The following ZSCAN25 variants were observed in gnomAD, a reference collection of about 807,000 sequenced individuals.
ZSCAN25 encodes the protein zinc finger and SCAN domain-containing protein 25.
A neutral mutation model predicts 38.7 loss-of-function variants in ZSCAN25; 27 were observed. That is an observed-to-expected ratio of 0.70 (90% CI 0.51 to 0.96). The LOEUF is 0.96. Ranked by LOEUF, ZSCAN25 falls within the 40% of genes least tolerant of loss-of-function variation. The pLI, the probability that ZSCAN25 is intolerant of heterozygous loss-of-function variation, is 0.00. For missense variants in ZSCAN25, 637 were observed against 705.9 expected (o/e 0.90, Z 1.11); for synonymous variants, 273 against 277.7 (o/e 0.98, Z 0.17).
At chr7:99,722,054 G>A in the ZSCAN25 span, among the ~76,000 whole-genome samples, 1 of 152,154 alleles carries the variant, frequency 6.6e-6, no homozygotes, top group South Asian at 2.1e-4. Flanking sequence ...TATTTTCTGT[G>A]GAACATCTTT....
the ZSCAN25 span, among the ~76,000 whole-genome samples, chr7:99,646,761 C>T: frequency 1.3e-5 from 2 of 150,614 alleles, no homozygotes; most frequent in African/African-American, 4.9e-5. Flanking sequence ...TCATTGTTAT[C>T]TAGCCCTATC....
At chr7:99,664,093 G>A in the ZSCAN25 span, 4 of 1,573,436 alleles carry the variant, frequency 2.5e-6, no homozygotes, top group Non-Finnish European at 3.4e-6. Context: ...AATGGAAAGA[G>A]TACTGTGGGA....
At chr7:99,657,792 G>C in the ZSCAN25 span, among the ~76,000 whole-genome samples, 2 of 152,156 alleles carry the variant, frequency 1.3e-5, no homozygotes, top group Admixed American at 1.3e-4. Context: ...ATATATTTAG[G>C]ATAGTTAGCT....
rs1320348094 is a variant in ZSCAN25, at chr7:99,619,074, AAG to A, written c.-102_-101del. On this transcript the variant is annotated 5_prime_UTR_variant, in exon 3 of 8. Coordinates refer to ENST00000394152, the MANE Select transcript of ZSCAN25 (RefSeq NM_145115.3). Reference sequence around the variant, plus strand: ...ACTTGTCTCCACTTGCAGTTTTTAAAAGAGTTGCTTCCATTTGACTTTTTCTG... The same window carrying A: ...ACTTGTCTCCACTTGCAGTTTTTAAAAGTTGCTTCCATTTGACTTTTTCTG... The A allele has an allele frequency of 1.3e-5, 2 of 152,620 alleles. No homozygotes were observed. The highest frequency in any genetic ancestry group is 1.3e-4 in the Admixed American group (2 of 15,306). The allele number at this position is 152,620 out of a possible 1,614,324, so 9.5% of individuals were successfully genotyped here.
the ZSCAN25 span, chr7:99,705,351 C>T: frequency 1.2e-6 from 1 of 860,838 alleles, no homozygotes; most frequent in South Asian, 1.5e-5. Flanking sequence ...TGAGAGAGCA[C>T]AATGCACGTA....
the ZSCAN25 span, chr7:99,648,066 GC>G: frequency 8.9e-7 from 1 of 1,122,678 alleles, no homozygotes; most frequent in Non-Finnish European, 1.1e-6. Flanking sequence ...CCTATGAGAA[GC>G]AGAGAAGCTG....
At chr7:99,644,950 C>T in the ZSCAN25 span, among the ~76,000 whole-genome samples, 5 of 152,138 alleles carry the variant, frequency 3.3e-5, no homozygotes, top group Admixed American at 6.5e-5. Context: ...CCAGCAGGAG[C>T]AGGATGGCTT....
chr7:99,672,475 C>G, the ZSCAN25 span: 1 of 978,724 alleles, frequency 1.0e-6, no homozygotes, highest in Non-Finnish European at 1.6e-6. Context: ...ATGGAACCTT[C>G]CTGTACATTT....
chr7:99,666,930 A>T, the ZSCAN25 span: 1 of 1,610,468 alleles, frequency 6.2e-7, no homozygotes, highest in East Asian at 2.2e-5. Context: ...ATTTCTAATT[A>T]AGACTCATCT....
At chr7:99,619,522 G>T in intron 3 of ZSCAN25, 39 bp from the exon 4 acceptor site, 1 of 1,449,116 alleles carries the variant, frequency 6.9e-7, no homozygotes, top group Non-Finnish European at 9.3e-7. Context: ...GACAGAACTG[G>T]GATGGGCTGA....
the ZSCAN25 span, among the ~76,000 whole-genome samples, chr7:99,721,556 A>G: frequency 2.6e-5 from 4 of 152,236 alleles, no homozygotes; most frequent in African/African-American, 9.6e-5. Context: ...GACACTGGAC[A>G]GAACGTGATG....
the ZSCAN25 span, among the ~76,000 whole-genome samples, chr7:99,712,742 A>T: frequency 6.6e-6 from 1 of 152,182 alleles, no homozygotes; most frequent in Non-Finnish European, 1.5e-5. Context: ...GCTCTCTAGA[A>T]CCAATGATTA....
chr7:99,735,218 T>G, the ZSCAN25 span: 7 of 1,321,044 alleles, frequency 5.3e-6, no homozygotes, highest in Non-Finnish European at 7.5e-6. Context: ...GCTGTTGGAT[T>G]GTTTATATGC....
the ZSCAN25 span, chr7:99,679,732 T>C: frequency 3.3e-6 from 4 of 1,201,734 alleles, no homozygotes; most frequent in Non-Finnish European, 3.7e-6. Context: ...TCCTTGAACA[T>C]CTCTTTTGAT....
chr7:99,721,939 C>T, the ZSCAN25 span, among the ~76,000 whole-genome samples: 1 of 152,176 alleles, frequency 6.6e-6, no homozygotes, highest in South Asian at 2.1e-4. Context: ...TCTGCAAGGA[C>T]ACCTGCCCAG....
the ZSCAN25 span, chr7:99,671,541 A>C: frequency 8.5e-6 from 3 of 351,362 alleles, no homozygotes; most frequent in Admixed American, 1.3e-4. Context: ...CATAGTCCAC[A>C]GAAAATGAAC....
chr7:99,702,699 C>T, the ZSCAN25 span, among the ~76,000 whole-genome samples: 3 of 152,078 alleles, frequency 2.0e-5, no homozygotes, highest in Non-Finnish European at 4.4e-5. Context: ...CAGTTTTGTT[C>T]TTTTTGCTGA....
chr7:99,715,334 AC>A, the ZSCAN25 span: 106 of 205,218 alleles, frequency 5.2e-4, 1 homozygote, highest in East Asian at 0.01. Flanking sequence ...TCAATAATCT[AC>A]ATTCATGCCA....
At chr7:99,648,332 T>G in the ZSCAN25 span, 1 of 1,613,200 alleles carries the variant, frequency 6.2e-7, no homozygotes, top group Admixed American at 1.7e-5. Flanking sequence ...TTCCATCTCT[T>G]GAATCCACCT....
Sources: gnomAD v4.1 joint callset for allele counts (sites outside exome capture counted in the v4.1 genomes callset) on GRCh38, gnomAD v4.1.1 for gene constraint, MANE v1.5 for transcripts, NCBI Gene and HGNC (gene_info 2026-07-23, HGNC 2026-07-21) for gene names.